ATP7A: variants seen among roughly 807,000 people sequenced by gnomAD.
ATP7A encodes the protein copper-transporting ATPase 1.
A neutral mutation model predicts 83.5 loss-of-function variants in ATP7A; 7 were observed. The observed-to-expected ratio is 0.08, with a 90% CI of 0.05 to 0.16. The LOEUF (loss-of-function observed/expected upper bound fraction) is 0.16, where lower values mean the gene tolerates loss of function less well. Among genes scored for constraint, ATP7A ranks in the 10% least tolerant of loss-of-function variants. ATP7A has a pLI of 1.00. For missense variants in ATP7A, 940 were observed against 1,120.8 expected (o/e 0.84, Z 2.30); for synonymous variants, 354 against 395.2 (o/e 0.90, Z 1.24).
Position 78,029,402 on chromosome X carries a change from C to T in ATP7A, c.3069C>T (p.Gly1023=). ...MVGTGVGAQN[G]ILIKGGEPLE... Reference sequence around the variant, plus strand: ...GTACAGGAGTAGGTGCTCAAAATGGCATACTAATAAAAGGTGGAGAGCCAT... The same window carrying T: ...GTACAGGAGTAGGTGCTCAAAATGGTATACTAATAAAAGGTGGAGAGCCAT... The change falls in exon 15 of 23, where the codon GGC becomes GGT. Residue 1023 remains glycine, a synonymous_variant. Coordinates refer to ENST00000341514, the MANE Select transcript of ATP7A (RefSeq NM_000052.7). 8.3e-7 allele frequency: 1 copy of T among 1,211,367 alleles called. No homozygotes were observed. The highest frequency in any genetic ancestry group is 1.1e-6 in the Non-Finnish European group (1 of 895,336).
chrX:77,938,563 G>C (rs1557225293), intron 1 of ATP7A, among the ~76,000 whole-genome samples: 1 of 112,477 alleles, frequency 8.9e-6, no homozygotes, highest in African/African-American at 3.2e-5. Flanking sequence ...AGGATTCTTA[G>C]AGGACTGGGG....
intron 17 of ATP7A, among the ~76,000 whole-genome samples, chrX:78,034,459 A>G (rs2078000661): frequency 9.0e-6 from 1 of 111,240 alleles, no homozygotes; most frequent in Non-Finnish European, 1.9e-5. Context: ...TTTCTTTTAT[A>G]TCCAAGTTCT....
chrX:78,007,616 C>T (rs370085841), intron 6 of ATP7A, among the ~76,000 whole-genome samples: 7 of 112,362 alleles, frequency 6.2e-5, no homozygotes, highest in African/African-American at 1.3e-4. Flanking sequence ...TGAGCCACCG[C>T]GCCCGACCAT....
rs1300865909 is a variant in ATP7A, at chrX:78,026,816, ACAAC to A, written c.2917-2429_2917-2426del. Among the ~76,000 whole-genome samples the A allele has an allele frequency of 3.6e-5, 4 of 111,795 alleles. No individual in the cohort carries two copies. The Admixed American group carries it at 3.8e-4, about 11-fold the overall frequency. On this transcript the variant is annotated intron_variant, in intron 14 of 22. Transcript: ENST00000341514. ...AGCCACACAAGTACAGGGAGACTAA[ACAAC>A]CAACTCCTGAATAACTTTTGGGTAA...
chrX:77,959,311 T>A (rs782333438), intron 1 of ATP7A, among the ~76,000 whole-genome samples: 6 of 112,081 alleles, frequency 5.4e-5, no homozygotes, highest in Admixed American at 3.8e-4. Context: ...GGGTTTTCTG[T>A]ATATAAGATC....
At chrX:77,920,521 A>G (rs1266908672) in intron 1 of ATP7A, among the ~76,000 whole-genome samples, 1 of 110,886 alleles carries the variant, frequency 9.0e-6, no homozygotes, top group Admixed American at 9.6e-5. Context: ...CCGGCTGAGT[A>G]CCCATTGTTT....
chrX:77,966,805 G>A, intron 1 of ATP7A: 3 of 330,716 alleles, frequency 9.1e-6, no homozygotes, highest in Non-Finnish European at 1.8e-5. Flanking sequence ...AAAAAAACCA[G>A]GATAGATGTG....
At chrX:77,968,697 G>C (rs2149071504) in intron 1 of ATP7A, among the ~76,000 whole-genome samples, 1 of 112,360 alleles carries the variant, frequency 8.9e-6, no homozygotes, top group East Asian at 2.8e-4. Flanking sequence ...TGTATGAAGG[G>C]AGTGGGTGCA....
intron 1 of ATP7A, among the ~76,000 whole-genome samples, chrX:77,949,037 G>A (rs1176861258): frequency 9.9e-5 from 11 of 110,654 alleles, no homozygotes; most frequent in Non-Finnish European, 1.7e-4. Flanking sequence ...GACCACAGAC[G>A]CATGCCGCCA....
intron 1 of ATP7A, chrX:77,963,078 A>T (rs1557228270): frequency 5.1e-6 from 1 of 195,558 alleles, no homozygotes; most frequent in Non-Finnish European, 9.5e-6. Context: ...TTTGATGTTG[A>T]TCAGTACTTG....
intron 1 of ATP7A, among the ~76,000 whole-genome samples, chrX:77,929,456 G>C (rs1470435767): frequency 9.0e-6 from 1 of 111,521 alleles, no homozygotes; most frequent in Non-Finnish European, 1.9e-5. Flanking sequence ...GCCTGAGTTA[G>C]AGTCAGATTC....
chrX:77,949,299 A>G (rs1384459338), intron 1 of ATP7A, among the ~76,000 whole-genome samples: 2 of 111,848 alleles, frequency 1.8e-5, no homozygotes, highest in African/African-American at 6.5e-5. Flanking sequence ...GCTTCATTCC[A>G]GATTTCTATC....
intron 1 of ATP7A, chrX:77,964,173 G>A (rs1301171622): frequency 1.8e-5 from 2 of 111,701 alleles, no homozygotes; most frequent in Admixed American, 1.9e-4. Flanking sequence ...TGACCTTAGT[G>A]ACAATGTCCT....
At chrX:78,008,013 A>G (rs910983362) in intron 6 of ATP7A, among the ~76,000 whole-genome samples, 1 of 112,281 alleles carries the variant, frequency 8.9e-6, no homozygotes, top group Admixed American at 9.5e-5. Context: ...GCTATGAAAT[A>G]CTATGTCTTA....
chrX:77,999,392 C>T (rs1486186273), intron 5 of ATP7A, among the ~76,000 whole-genome samples: 2 of 111,870 alleles, frequency 1.8e-5, no homozygotes, highest in African/African-American at 6.5e-5. Context: ...AGACCAAAAA[C>T]AAGTTTGTTT....
chrX:77,913,626 T>C (rs782034998), intron 1 of ATP7A, among the ~76,000 whole-genome samples: 2 of 112,216 alleles, frequency 1.8e-5, no homozygotes, highest in Non-Finnish European at 3.8e-5. Context: ...AAGGGTCCTG[T>C]GTTTCTGATT....
At chrX:78,005,405 G>T (rs1603384132) in intron 6 of ATP7A, among the ~76,000 whole-genome samples, 1 of 110,461 alleles carries the variant, frequency 9.1e-6, no homozygotes, top group Admixed American at 9.7e-5. Context: ...TTGGAGGCTG[G>T]GTGCGGTGGC....
chrX:77,933,014 A>G (rs1015269621), intron 1 of ATP7A, among the ~76,000 whole-genome samples: 2 of 111,555 alleles, frequency 1.8e-5, no homozygotes, highest in Admixed American at 1.9e-4. Flanking sequence ...CATTTTTTCA[A>G]TAAATGTTTA....
At chrX:78,035,874 A>G (rs782427104) in intron 17 of ATP7A, among the ~76,000 whole-genome samples, 1 of 112,045 alleles carries the variant, frequency 8.9e-6, no homozygotes, top group East Asian at 2.8e-4. Flanking sequence ...TGACAGAGGT[A>G]TTTGCTCTTC....
Sources: allele counts gnomAD v4.1 joint callset (sites outside exome capture counted in the v4.1 genomes callset), GRCh38; gene constraint gnomAD v4.1.1; transcripts MANE v1.5; gene names NCBI Gene and HGNC (gene_info 2026-07-23, HGNC 2026-07-21).